Variants in LRP1B observed in about 807,000 individuals in gnomAD.
LRP1B encodes the protein LDL receptor related protein 1B, also known as low-density lipoprotein receptor-related protein 1B.
LRP1B carries 217 observed loss-of-function variants against 556.6 expected under a neutral mutation model. The observed-to-expected ratio is 0.39, with a 90% CI of 0.35 to 0.44. LRP1B has a LOEUF of 0.44. Among genes scored for constraint, LRP1B ranks in the 20% least tolerant of loss-of-function variants. LRP1B has a pLI of 1.00. For synonymous variants in LRP1B, 2,047 were observed against 1,865.8 expected, an observed-to-expected ratio of 1.10 and a Z score of -2.50; for missense variants, 5,053 against 5,620.8, an observed-to-expected ratio of 0.90 and a Z score of 3.23.
chr2:142,030,054 G>T (rs1447290688), intron 1 of LRP1B, among the ~76,000 whole-genome samples: 6 of 149,084 alleles, frequency 4.0e-5, no homozygotes, highest in Admixed American at 1.3e-4. Context: ...AAAAAACTCT[G>T]CAAGTTGCTT....
intron 1 of LRP1B, among the ~76,000 whole-genome samples, chr2:141,885,850 G>C (rs1699095397): frequency 6.6e-6 from 1 of 152,194 alleles, no homozygotes; most frequent in Admixed American, 6.5e-5. Context: ...ATAAAAGTAA[G>C]GATATGGCTA....
intron 20 of LRP1B, among the ~76,000 whole-genome samples, chr2:140,924,894 C>G (rs952817529): frequency 5.3e-5 from 8 of 152,032 alleles, no homozygotes; most frequent in African/African-American, 1.7e-4. Context: ...AATTTCCCAC[C>G]ATATTTATTT....
At chr2:141,031,231 T>C (rs966179619) in intron 11 of LRP1B, among the ~76,000 whole-genome samples, 12 of 149,768 alleles carry the variant, frequency 8.0e-5, no homozygotes, top group African/African-American at 2.9e-4. Flanking sequence ...AGGAGCTATA[T>C]ATAATGGCAT....
intron 17 of LRP1B, among the ~76,000 whole-genome samples, chr2:140,984,381 T>C (rs1696859855): frequency 6.6e-6 from 1 of 152,052 alleles, no homozygotes; most frequent in Admixed American, 6.6e-5. Flanking sequence ...CAGTCTTTTC[T>C]ATATTCTTGC....
intron 25 of LRP1B, among the ~76,000 whole-genome samples, chr2:140,879,829 TAGTA>T (rs1693417451): frequency 6.6e-6 from 1 of 151,968 alleles, no homozygotes. Context: ...ATTCATGGAT[TAGTA>T]AGTGTCTGGA....
chr2:140,716,616 A>G (rs1237158344), intron 36 of LRP1B, 66 bp downstream of exon 36: 2 of 1,467,898 alleles, frequency 1.4e-6, no homozygotes, highest in East Asian at 2.4e-5. Context: ...AAGATTTTTT[A>G]TGAAGCAGTT....
intron 12 of LRP1B, among the ~76,000 whole-genome samples, chr2:141,018,074 G>T (rs1008135821): frequency 1.1e-4 from 16 of 150,354 alleles, no homozygotes; most frequent in African/African-American, 3.9e-4. Context: ...TAAACACACA[G>T]AATAGAAATA....
At chr2:141,951,503 A>C (rs1701104504) in intron 1 of LRP1B, among the ~76,000 whole-genome samples, 1 of 152,198 alleles carries the variant, frequency 6.6e-6, no homozygotes, top group South Asian at 2.1e-4. Flanking sequence ...TGTCGTTGCC[A>C]CAAAAGTGAT....
intron 41 of LRP1B, among the ~76,000 whole-genome samples, chr2:140,625,509 A>G (rs1683624469): frequency 6.6e-6 from 1 of 152,328 alleles, no homozygotes; most frequent in East Asian, 1.9e-4. Flanking sequence ...TCCATAATAT[A>G]CAAAAAACAC....
chr2:141,596,163 T>A (rs1687511481), intron 2 of LRP1B, among the ~76,000 whole-genome samples: 1 of 151,992 alleles, frequency 6.6e-6, no homozygotes. Flanking sequence ...GCTACTCCGA[T>A]CCTTACCCAG....
At chr2:141,095,587 A>G (rs1034625564) in intron 7 of LRP1B, among the ~76,000 whole-genome samples, 11 of 151,142 alleles carry the variant, frequency 7.3e-5, no homozygotes, top group African/African-American at 2.4e-4. Flanking sequence ...TCTTGATTAT[A>G]TTTAGTTCTG....
chr2:141,160,906 G>GA (rs1680000110), intron 7 of LRP1B, among the ~76,000 whole-genome samples: 1 of 151,782 alleles, frequency 6.6e-6, no homozygotes, highest in African/African-American at 2.4e-5. Context: ...GGGTGCATGT[G>GA]AATCTGAATA....
chr2:140,620,565 C>A (rs189904476), intron 41 of LRP1B, among the ~76,000 whole-genome samples: 1 of 152,156 alleles, frequency 6.6e-6, no homozygotes, highest in Non-Finnish European at 1.5e-5. Flanking sequence ...AATCATTAAA[C>A]TTCATTGAAA....
intron 75 of LRP1B, among the ~76,000 whole-genome samples, chr2:140,354,003 A>G (rs990789783): frequency 1.8e-4 from 28 of 152,114 alleles, no homozygotes; most frequent in African/African-American, 6.5e-4. Context: ...TATTCATGTG[A>G]TTTAATCAGA....
chr2:141,212,623 CAG>C (rs1682616116), intron 6 of LRP1B, among the ~76,000 whole-genome samples: 1 of 151,880 alleles, frequency 6.6e-6, no homozygotes, highest in East Asian at 1.9e-4. Flanking sequence ...CAAAACAAAA[CAG>C]AAATAACCCA....
chr2:141,311,109 T>C (rs987046512), intron 3 of LRP1B, among the ~76,000 whole-genome samples: 4 of 152,306 alleles, frequency 2.6e-5, no homozygotes, highest in Middle Eastern at 3.4e-3. Flanking sequence ...GCTCTAATCA[T>C]ATTGTTTAAG....
chr2:141,091,500 T>C (rs1700171919), intron 7 of LRP1B, among the ~76,000 whole-genome samples: 1 of 152,200 alleles, frequency 6.6e-6, no homozygotes, highest in Admixed American at 6.5e-5. Flanking sequence ...AGTGATTTTC[T>C]CCAGGGACTC....
chr2:141,198,337 A>G (rs1024810789), intron 6 of LRP1B, among the ~76,000 whole-genome samples: 2 of 152,094 alleles, frequency 1.3e-5, no homozygotes, highest in Non-Finnish European at 2.9e-5. Flanking sequence ...TAAATCAGAG[A>G]AGGCTCTGTG....
intron 25 of LRP1B, among the ~76,000 whole-genome samples, chr2:140,869,911 G>C: frequency 6.6e-6 from 1 of 152,150 alleles, no homozygotes; most frequent in East Asian, 1.9e-4. Flanking sequence ...ACTTTGGCAT[G>C]CTAAGCACTT....
Sources: gnomAD v4.1 joint callset for allele counts (sites outside exome capture counted in the v4.1 genomes callset) on GRCh38, gnomAD v4.1.1 for gene constraint, MANE v1.5 for transcripts, NCBI Gene and HGNC (gene_info 2026-07-23, HGNC 2026-07-21) for gene names.